RRP7A: variants seen among roughly 807,000 people sequenced by gnomAD.
The protein encoded by RRP7A is ribosomal RNA processing 7 homolog A.
A neutral mutation model predicts 38.4 loss-of-function variants in RRP7A; 27 were observed. The observed-to-expected ratio is 0.70, with a 90% CI of 0.52 to 0.97. The LOEUF (loss-of-function observed/expected upper bound fraction) is 0.97, where lower values mean the gene tolerates loss of function less well. Among genes scored for constraint, RRP7A ranks in the 50% least tolerant of loss-of-function variants. The pLI, the probability that RRP7A is intolerant of heterozygous loss-of-function variation, is 0.00. For synonymous variants in RRP7A, 124 were observed against 150.3 expected (o/e 0.83, Z 1.28); for missense variants, 327 against 375.4 (o/e 0.87, Z 1.07).
chr22:42,519,698 T>C lies in RRP7A; in HGVS notation c.73+16A>G. Reference sequence around the variant, plus strand: ...ATGCCTGACCGCCCCCGGTCTCGCGTCCCGGAGCCCCTCACCTGCGTAGCC... The same window carrying C: ...ATGCCTGACCGCCCCCGGTCTCGCGCCCCGGAGCCCCTCACCTGCGTAGCC... On this transcript the variant is annotated intron_variant, in intron 1 of 6. Transcript: ENST00000323013. 1 of 1,445,418 alleles carries C rather than the reference T, an allele frequency of 6.9e-7. No homozygotes were observed. Among genetic ancestry groups the C allele is most frequent in the Non-Finnish European group, 9.1e-7 (1 of 1,099,248 alleles). The allele number at this position is 1,445,418 out of a possible 1,614,324, so 89.5% of individuals were successfully genotyped here.
Position 42,511,800 on chromosome 22 carries a change from T to G in RRP7A, c.*1110A>C, listed in dbSNP as rs1454520275. 3.3e-6 allele frequency: 1 copy of G among 305,130 alleles called. No individual in the cohort carries two copies. Among genetic ancestry groups the G allele is most frequent in the African/African-American group, 2.2e-5 (1 of 46,172 alleles). 18.9% of individuals were successfully genotyped at this position (305,130 alleles called of 1,614,324 possible). ...CTGCAGGCTGCTCACGTCATCTCATTATCTTTTCTCACGAGGACTACTTCG... is the reference window on the plus strand; with the variant it reads ...CTGCAGGCTGCTCACGTCATCTCATGATCTTTTCTCACGAGGACTACTTCG... On this transcript the variant is annotated 3_prime_UTR_variant, in exon 7 of 7. Transcript: ENST00000323013.
At chr22:42,513,990 G>A (rs911335851) in intron 6 of RRP7A, 116 bp downstream of exon 6, 9 of 870,402 alleles carry the variant, frequency 1.0e-5, no homozygotes, top group Non-Finnish European at 5.3e-6. Context: ...GCTTAGGGAC[G>A]CCCTCCCTCC....
chr22:42,519,616 C>T (rs934145157), intron 1 of RRP7A, 98 bp downstream of exon 1: 19 of 1,071,782 alleles, frequency 1.8e-5, no homozygotes, highest in Middle Eastern at 2.3e-4. Flanking sequence ...CACACCCAAC[C>T]GTGCGGCCGC....
At position 42,511,527 on chromosome 22, in the gene RRP7A, C is replaced by T. The variant is rs902530623; in HGVS notation, c.*1383G>A. The T allele has an allele frequency of 6.5e-6, 1 of 153,706 alleles. No homozygotes were observed. Among genetic ancestry groups the T allele is most frequent in the African/African-American group, 2.4e-5 (1 of 41,482 alleles). 9.5% of individuals were successfully genotyped at this position (153,706 alleles called of 1,614,324 possible). On this transcript the variant is annotated 3_prime_UTR_variant, in exon 7 of 7. Coordinates refer to ENST00000323013, the MANE Select transcript of RRP7A (RefSeq NM_015703.5). Reference sequence around the variant, plus strand: ...ACAGCAGAACACCTGGCTGCCTCATCCCTCTGCACCCATCACGCCAGTGGG... The same window carrying T: ...ACAGCAGAACACCTGGCTGCCTCATTCCTCTGCACCCATCACGCCAGTGGG...
At chr22:42,513,041 G>C (rs751032407) in intron 6 of RRP7A, 46 bp from the exon 7 acceptor site, 13 of 1,534,324 alleles carry the variant, frequency 8.5e-6, no homozygotes, top group African/African-American at 4.1e-5. Context: ...AGCGCGCCCC[G>C]GGGAAGCTGG....
Position 42,508,905 on chromosome 22 carries a change from G to A in RRP7A, c.*4005C>T, listed in dbSNP as rs6002774. The stretch of plus-strand genomic sequence containing the variant: ...GCAGTGATGTGGGGTCCTGGGCTCA[G>A]ACCCAGGGTGGGTGGCTAAGGTGCC... On this transcript the variant is annotated 3_prime_UTR_variant, in exon 7 of 7. Transcript: ENST00000323013. 7 of 1,355,692 alleles carry A rather than the reference G, an allele frequency of 5.2e-6. No homozygotes were observed. In the South Asian group the frequency reaches 7.5e-5, roughly 15 times the overall value. 84.0% of individuals were successfully genotyped at this position (1,355,692 alleles called of 1,614,324 possible).
intron 6 of RRP7A, among the ~76,000 whole-genome samples, chr22:42,513,437 C>T (rs1259958461): frequency 1.4e-4 from 15 of 107,244 alleles, no homozygotes; most frequent in Non-Finnish European, 2.8e-4. Context: ...GGGTCTAGAG[C>T]GAGCACGAGC....
In RRP7A at chr22:42,518,137, G is replaced by A; in HGVS notation, c.84C>T (p.Ile28=). Reference sequence around the variant, plus strand: ...AAGCCTGTTGCTTTTCAGAGAACTTGATTGGAATAGCTGGAAAGGAAATGG... The same window carrying A: ...AAGCCTGTTGCTTTTCAGAGAACTTAATTGGAATAGCTGGAAAGGAAATGG... The part of the protein sequence containing the change: ...PSPLGYAAIP[I]KFSEKQQASH... The change falls in exon 2 of 7, where the codon ATC becomes ATT. Residue 28 remains isoleucine (I), a synonymous_variant. Transcript: ENST00000323013. The A allele has an allele frequency of 1.2e-6, 2 of 1,612,534 alleles. No homozygotes were observed.
chr22:42,517,342 TAAA>T lies in RRP7A; in HGVS notation c.216+660_216+662del, dbSNP rs71184902. Among the ~76,000 whole-genome samples the T allele has an allele frequency of 4.5e-3, 534 of 117,504 alleles. 6 individuals carry two copies. The highest frequency in any genetic ancestry group is 0.021 in the East Asian group (93 of 4,438). 77.1% of individuals were successfully genotyped at this position (117,504 alleles called of 152,430 possible). A position where few individuals can be genotyped will look rare whatever the true frequency, so the allele number is the denominator to read the frequency against. ...AGCAATTCCCTTAGCTTAGTTTTTG[TAAA>T]AAAAAAAAAAAAAAAAAAAAATTAA... On this transcript the variant is annotated intron_variant, in intron 2 of 6. Coordinates refer to ENST00000323013, the MANE Select transcript of RRP7A (RefSeq NM_015703.5).
In RRP7A at chr22:42,516,296, C is replaced by T. The variant is rs568472136; in HGVS notation, c.217-160G>A. 584 of 929,754 alleles carry T rather than the reference C, an allele frequency of 6.3e-4. 6 individuals are homozygous for T. In the South Asian group the frequency reaches 7.3e-3, roughly 12 times the overall value. 57.6% of individuals were successfully genotyped at this position (929,754 alleles called of 1,614,324 possible). A position where few individuals can be genotyped will look rare whatever the true frequency, so the allele number is the denominator to read the frequency against. Reference sequence around the variant, plus strand: ...AGACTGTGGGCACCATGGCCTCCGACCTGTTCCCCAGGGACAATATGGAGG... The same window carrying T: ...AGACTGTGGGCACCATGGCCTCCGATCTGTTCCCCAGGGACAATATGGAGG... On this transcript the variant is annotated intron_variant, in intron 2 of 6. Transcript: ENST00000323013.
rs762538518 is a variant in RRP7A, at chr22:42,508,801, C to T, written c.*4109G>A. Among the ~76,000 whole-genome samples the T allele has an allele frequency of 2.0e-5, 3 of 152,188 alleles. No individual in the cohort carries two copies. The highest frequency in any genetic ancestry group is 4.4e-5 in the Non-Finnish European group (3 of 68,028). Reference sequence around the variant, plus strand: ...GAAATGGAGTCAGGCTGGGTAGCCACGAGCCCAGGAAGAGGGGAGAACAGA... The same window carrying T: ...GAAATGGAGTCAGGCTGGGTAGCCATGAGCCCAGGAAGAGGGGAGAACAGA... On this transcript the variant is annotated 3_prime_UTR_variant, in exon 7 of 7. Coordinates refer to ENST00000323013, the MANE Select transcript of RRP7A (RefSeq NM_015703.5).
chr22:42,515,503 G>A lies in RRP7A; in HGVS notation c.343-235C>T, dbSNP rs867704308. On this transcript the variant is annotated intron_variant, in intron 3 of 6. Transcript: ENST00000323013. ...GTTCCCAACTCCTCCCCAGGAAGAG[G>A]GGATACAGAGGCTTCTTTTCTTCCA... 2.8e-4 allele frequency among the ~76,000 whole-genome samples: 42 copies of A among 152,374 alleles called. 2 individuals are homozygous for A. Among genetic ancestry groups the A allele is most frequent in the Middle Eastern group, 6.8e-3 (2 of 294 alleles).
Position 42,509,964 on chromosome 22 carries a change from CTT to C in RRP7A, c.*2944_*2945del, listed in dbSNP as rs60335800. Reference sequence around the variant, plus strand: ...GTATTAAAAACCACGGGATTGTAGACTTTTTTTTTTTTTTTTTTGAGATGGAG... The same window carrying C: ...GTATTAAAAACCACGGGATTGTAGACTTTTTTTTTTTTTTTTGAGATGGAG... On this transcript the variant is annotated 3_prime_UTR_variant, in exon 7 of 7. Coordinates refer to ENST00000323013, the MANE Select transcript of RRP7A (RefSeq NM_015703.5). 18,990 of 122,436 alleles carry C rather than the reference CTT, an allele frequency of 0.16. 2,613 individuals are homozygous for C. Among genetic ancestry groups the C allele is most frequent in the East Asian group, 0.71 (3,043 of 4,280 alleles). 7.6% of individuals were successfully genotyped at this position (122,436 alleles called of 1,614,324 possible). A position where few individuals can be genotyped will look rare whatever the true frequency, so the allele number is the denominator to read the frequency against.
Position 42,512,292 on chromosome 22 carries a change from T to C in RRP7A, c.*618A>G, listed in dbSNP as rs538356406. ...GCTCCCAGACTCAACACTGGGACTC[T>C]GAGTTCCTGAGCCCCACAACAAGGC... On this transcript the variant is annotated 3_prime_UTR_variant, in exon 7 of 7. Transcript: ENST00000323013. 8.5e-6 allele frequency: 12 copies of C among 1,406,994 alleles called. No individual in the cohort carries two copies. In the East Asian group the frequency reaches 2.7e-4, roughly 32 times the overall value. 87.2% of individuals were successfully genotyped at this position (1,406,994 alleles called of 1,614,324 possible).
At chr22:42,515,974 C>G (rs55762648) in intron 3 of RRP7A, 37 bp downstream of exon 3, 38,883 of 1,558,996 alleles carry the variant, frequency 0.025, 631 homozygotes, top group Non-Finnish European at 0.03. Flanking sequence ...TGCCCCACCC[C>G]CCTCACTCTA....
Position 42,512,834 on chromosome 22 carries a change from C to T in RRP7A, c.*76G>A. 1.3e-6 allele frequency: 2 copies of T among 1,486,324 alleles called. No individual in the cohort carries two copies. The highest frequency in any genetic ancestry group is 1.9e-6 in the Non-Finnish European group (2 of 1,078,282). The allele number at this position is 1,486,324 out of a possible 1,614,324, so 92.1% of individuals were successfully genotyped here. A position where few individuals can be genotyped will look rare whatever the true frequency, so the allele number is the denominator to read the frequency against. On this transcript the variant is annotated 3_prime_UTR_variant, in exon 7 of 7. Coordinates refer to ENST00000323013, the MANE Select transcript of RRP7A (RefSeq NM_015703.5). The stretch of plus-strand genomic sequence containing the variant: ...GGGCCCGTTGGCCAGAGCTCGGCCT[C>T]TCAGAGACCGCTGCAGGCCCTGCCT...
chr22:42,511,228 G>A lies in RRP7A; in HGVS notation c.*1682C>T, dbSNP rs1431105394. 3 of 151,836 alleles carry A rather than the reference G, an allele frequency of 2.0e-5. No individual in the cohort carries two copies. The highest frequency in any genetic ancestry group is 4.9e-5 in the African/African-American group (2 of 41,160). 9.4% of individuals were successfully genotyped at this position (151,836 alleles called of 1,614,324 possible). On this transcript the variant is annotated 3_prime_UTR_variant, in exon 7 of 7. Coordinates refer to ENST00000323013, the MANE Select transcript of RRP7A (RefSeq NM_015703.5). ...GTCTCACTCTGTCGCTCAGGCTGGA[G>A]TGCAGTGGGAAGATCTCAGCTTACT...
chr22:42,519,744 C>G lies in RRP7A; in HGVS notation c.43G>C (p.Asp15His), dbSNP rs372108370. Residue 15 changes from aspartate to histidine, a missense_variant, in exon 1 of 7, where the codon GAC becomes CAC. By Grantham distance (81) the Asp-to-His change is moderately conservative (BLOSUM62 -1). Around this residue, in one of 5 missense-constraint regions of RRP7A, gnomAD observed 183 missense variants for 141.8 expected, o/e 1.29. Coordinates refer to ENST00000323013, the MANE Select transcript of RRP7A (RefSeq NM_015703.5). ...TAGCCCAGTGGGCTGGGGATACGGT[C>G]CTCCGGGTCCCGCGCGGCGCACTTC... ...RRKCAARDPEDRIPSPLGYAA... is the reference protein window; with the variant it reads ...RRKCAARDPEHRIPSPLGYAA... The G allele has an allele frequency of 2.5e-4, 370 of 1,456,600 alleles. 3 individuals are homozygous for G. The African/African-American group carries it at 5.0e-3, about 20-fold the overall frequency. 90.2% of individuals were successfully genotyped at this position (1,456,600 alleles called of 1,614,324 possible). A position where few individuals can be genotyped will look rare whatever the true frequency, so the allele number is the denominator to read the frequency against.
intron 2 of RRP7A, among the ~76,000 whole-genome samples, chr22:42,517,439 C>T (rs1920933562): frequency 6.6e-6 from 1 of 150,634 alleles, no homozygotes; most frequent in Non-Finnish European, 1.5e-5. Flanking sequence ...AAATTATGGA[C>T]ATGTACAATC....
Sources: allele counts gnomAD v4.1 joint callset (sites outside exome capture counted in the v4.1 genomes callset), GRCh38; gene constraint gnomAD v4.1.1; regional missense constraint gnomAD v4.1.1; transcripts MANE v1.5; gene names NCBI Gene and HGNC (gene_info 2026-07-23, HGNC 2026-07-21).